CNTN4: variants seen among roughly 807,000 people sequenced by gnomAD.
The protein encoded by CNTN4 is contactin 4, also known as contactin-4.
CNTN4 carries 77 observed loss-of-function variants against 122.5 expected under a neutral mutation model. The ratio of observed to expected loss-of-function variants is 0.63; its 90% CI spans 0.52 to 0.76. The LOEUF is 0.76. CNTN4 is among the 30% of genes least tolerant of loss of function. The pLI, the probability that CNTN4 is intolerant of heterozygous loss-of-function variation, is 0.00. For synonymous variants in CNTN4, 512 were observed against 447.0 expected, an observed-to-expected ratio of 1.15 and a Z score of -1.83; for missense variants, 1,256 against 1,259.1, an observed-to-expected ratio of 1.00 and a Z score of 0.04.
chr3:2,866,704 T>A, intron 7 of CNTN4, 48 bp from the exon 8 acceptor site: 1 of 1,516,928 alleles, frequency 6.6e-7, no homozygotes, highest in Non-Finnish European at 9.2e-7. Flanking sequence ...AACAGTAGAG[T>A]TCCAGTGCCA....
intron 3 of CNTN4, among the ~76,000 whole-genome samples, chr3:2,477,460 C>G (rs1007955564): frequency 2.0e-5 from 3 of 152,134 alleles, no homozygotes; most frequent in African/African-American, 7.2e-5. Context: ...ATTATAACAA[C>G]CTTACAAACA....
chr3:2,166,316 T>C (rs2036192805), intron 2 of CNTN4, among the ~76,000 whole-genome samples: 2 of 152,028 alleles, frequency 1.3e-5, no homozygotes, highest in African/African-American at 4.8e-5. Context: ...TATCTATTAT[T>C]TTTGATAATA....
intron 11 of CNTN4, among the ~76,000 whole-genome samples, chr3:2,902,496 C>T (rs1459247722): frequency 2.6e-5 from 4 of 152,154 alleles, no homozygotes; most frequent in African/African-American, 9.7e-5. Flanking sequence ...TTTAAGCACT[C>T]TAAACAGTAA....
At chr3:2,953,028 A>G (rs999194336) in intron 13 of CNTN4, among the ~76,000 whole-genome samples, 2 of 152,178 alleles carry the variant, frequency 1.3e-5, no homozygotes, top group Non-Finnish European at 2.9e-5. Context: ...AACTAACTTA[A>G]TCGTAGACAT....
chr3:2,523,597 T>TG (rs1367713073), intron 3 of CNTN4, among the ~76,000 whole-genome samples: 1 of 151,994 alleles, frequency 6.6e-6, no homozygotes, highest in Non-Finnish European at 1.5e-5. Flanking sequence ...GACATGACCT[T>TG]GGCTTTGAAC....
At chr3:2,474,639 C>G (rs1261537477) in intron 3 of CNTN4, among the ~76,000 whole-genome samples, 1 of 151,922 alleles carries the variant, frequency 6.6e-6, no homozygotes, top group African/African-American at 2.4e-5. Flanking sequence ...AGTCTCACAC[C>G]CTATTAAGAA....
intron 16 of CNTN4, among the ~76,000 whole-genome samples, chr3:3,033,207 C>T (rs988269689): frequency 3.3e-5 from 5 of 152,152 alleles, no homozygotes; most frequent in Non-Finnish European, 7.3e-5. Context: ...GTCTTCTAGA[C>T]TTTATCTGGT....
chr3:2,748,063 A>G (rs552842863), intron 6 of CNTN4, among the ~76,000 whole-genome samples: 1 of 152,304 alleles, frequency 6.6e-6, no homozygotes, highest in African/African-American at 2.4e-5. Context: ...AATTATGTTA[A>G]TTCATCTATT....
chr3:2,154,176 A>G (rs1432704257), intron 2 of CNTN4, among the ~76,000 whole-genome samples: 2 of 151,958 alleles, frequency 1.3e-5, no homozygotes, highest in African/African-American at 4.8e-5. Context: ...CTTGAGGTCA[A>G]GAGTTCGAGA....
intron 6 of CNTN4, among the ~76,000 whole-genome samples, chr3:2,785,420 G>A (rs2091772955): frequency 6.6e-6 from 1 of 152,252 alleles, no homozygotes. Flanking sequence ...GCCTTCAGTG[G>A]ATTGAATGAT....
chr3:2,677,161 A>ATAGG (rs1341255977), intron 4 of CNTN4, among the ~76,000 whole-genome samples: 3 of 150,822 alleles, frequency 2.0e-5, no homozygotes, highest in Admixed American at 6.6e-5. Flanking sequence ...AGATAGATAG[A>ATAGG]TAGATAGATA....
intron 8 of CNTN4, among the ~76,000 whole-genome samples, chr3:2,869,022 G>A (rs1311946584): frequency 2.0e-5 from 3 of 152,144 alleles, no homozygotes; most frequent in African/African-American, 4.8e-5. Context: ...AAAGCACTCA[G>A]CATGTTCAGA....
intron 13 of CNTN4, among the ~76,000 whole-genome samples, chr3:2,941,388 T>G (rs989853682): frequency 1.8e-4 from 28 of 152,136 alleles, no homozygotes; most frequent in African/African-American, 6.5e-4. Context: ...GATTCTCCCC[T>G]GAGCAATGTA....
intron 4 of CNTN4, among the ~76,000 whole-genome samples, chr3:2,652,091 G>T (rs1351492757): frequency 6.6e-6 from 1 of 151,598 alleles, no homozygotes; most frequent in Admixed American, 6.6e-5. Context: ...TAGGAGGATT[G>T]CTTGAGCTCC....
intron 4 of CNTN4, among the ~76,000 whole-genome samples, chr3:2,704,502 A>G (rs1388955106): frequency 6.6e-6 from 1 of 152,130 alleles, no homozygotes; most frequent in Non-Finnish European, 1.5e-5. Flanking sequence ...AATAAGAGAA[A>G]GAGGACAAAA....
intron 2 of CNTN4, among the ~76,000 whole-genome samples, chr3:2,180,019 T>A (rs1237614767): frequency 6.6e-6 from 1 of 151,692 alleles, no homozygotes; most frequent in East Asian, 1.9e-4. Context: ...TGAGCAACAT[T>A]TCAAGGGCTC....
At chr3:2,552,129 A>C (rs2078533732) in intron 3 of CNTN4, among the ~76,000 whole-genome samples, 1 of 152,210 alleles carries the variant, frequency 6.6e-6, no homozygotes, top group African/African-American at 2.4e-5. Context: ...GTGAGGCCAG[A>C]GTAAAGGAGC....
intron 2 of CNTN4, among the ~76,000 whole-genome samples, chr3:2,107,997 G>A (rs1184362423): frequency 6.6e-6 from 1 of 152,040 alleles, no homozygotes; most frequent in Non-Finnish European, 1.5e-5. Flanking sequence ...GGGAAATGGA[G>A]GTGAAATCAC....
At chr3:2,524,189 T>C (rs961601890) in intron 3 of CNTN4, among the ~76,000 whole-genome samples, 2 of 152,110 alleles carry the variant, frequency 1.3e-5, no homozygotes. Context: ...AATAATCTCT[T>C]TCTCTGTGCC....
Sources: gnomAD v4.1 joint callset for allele counts (sites outside exome capture counted in the v4.1 genomes callset) on GRCh38, gnomAD v4.1.1 for gene constraint, MANE v1.5 for transcripts, NCBI Gene and HGNC (gene_info 2026-07-23, HGNC 2026-07-21) for gene names.